The following VPS9D1 variants were observed in gnomAD, a reference collection of about 807,000 sequenced individuals.
VPS9D1 encodes the protein VPS9 domain-containing protein 1.
Under a neutral mutation model 75.8 loss-of-function variants are expected in VPS9D1, and 78 were observed. The ratio of observed to expected loss-of-function variants is 1.03; its 90% confidence interval spans 0.86 to 1.24. The LOEUF (loss-of-function observed/expected upper bound fraction) is 1.24, where lower values mean the gene tolerates loss of function less well. Ranked by LOEUF, VPS9D1 falls within the 50% of genes most tolerant of loss-of-function variation. The probability of loss-of-function intolerance (pLI) is 0.00; values close to 1 mark genes in which losing one functional copy is unlikely to be tolerated. For synonymous variants in VPS9D1, 481 were observed against 385.6 expected (o/e 1.25, Z -2.90); for missense variants, 1,057 against 847.7 (o/e 1.25, Z -3.07).
At chr16:89,720,365 C>G in intron 1 of VPS9D1, 1 of 960,760 alleles carries the variant, frequency 1.0e-6, no homozygotes, top group Non-Finnish European at 1.2e-6. Context: ...GGTATGTGGC[C>G]TTCTCTGCAT....
At position 89,710,912 on chromosome 16, in the gene VPS9D1, G is replaced by A. The variant is rs2060901584; in HGVS notation, c.932C>T (p.Pro311Leu). 1.3e-6 allele frequency: 2 copies of A among 1,491,668 alleles called. No homozygotes were observed. The highest frequency in any genetic ancestry group is 1.8e-6 in the Non-Finnish European group (2 of 1,125,652). The allele number at this position is 1,491,668 out of a possible 1,614,324, so 92.4% of individuals were successfully genotyped here. ...GTTGGGGGTCGGGGGGCAGCAGCCT[G>A]GGGCTGGCGCGGCTGCTCTGCTCAC... Reference protein sequence around the residue: ...PAVSRAAAPAPGCCPPTPNPG... With the variant: ...PAVSRAAAPALGCCPPTPNPG... Residue 311 changes from proline (P) to leucine (L), a missense_variant, in exon 10 of 15, where the codon CCA becomes CTA. Transcript: ENST00000389386.
chr16:89,717,816 AC>A (rs1567552863), intron 2 of VPS9D1: 1 of 456,462 alleles, frequency 2.2e-6, no homozygotes, highest in Non-Finnish European at 4.4e-6. Context: ...AGCTGGGGCA[AC>A]TGTTAGCTCC....
In VPS9D1 at chr16:89,707,924, G is replaced by A. The variant is rs758301359; in HGVS notation, c.1833C>T (p.Leu611=). ...GYLIGEEGYC[L]TSLQSALSYV... ...AGCTCAGGGCACTCTGCAGTGATGTGAGGCAGTAGCCCTCCTCTCCGATCA... is the reference window on the plus strand; with the variant it reads ...AGCTCAGGGCACTCTGCAGTGATGTAAGGCAGTAGCCCTCCTCTCCGATCA... The change falls in exon 15 of 15, where the codon CTC becomes CTT. Residue 611 remains leucine (L), a synonymous_variant. Transcript: ENST00000389386. The A allele has an allele frequency of 1.9e-6, 3 of 1,613,110 alleles. No individual in the cohort carries two copies. The highest frequency in any genetic ancestry group is 1.3e-5 in the African/African-American group (1 of 75,048).
Position 89,711,444 on chromosome 16 carries a change from G to C in VPS9D1, c.748-32C>G, listed in dbSNP as rs1397596395. On this transcript the variant is annotated intron_variant, in intron 8 of 14. Transcript: ENST00000389386. ...GACAGGGGGCCTTGAAGGAAAGCAC[G>C]GTGGGTCCGCCACGACCGGACGCGC... 3 of 1,573,026 alleles carry C rather than the reference G, an allele frequency of 1.9e-6. No homozygotes were observed. In the Admixed American group the frequency reaches 5.5e-5, roughly 29 times the overall value.
Position 89,712,881 on chromosome 16 carries a change from C to A in VPS9D1, c.432-165G>T, listed in dbSNP as rs2060970177. 3 of 587,478 alleles carry A rather than the reference C, an allele frequency of 5.1e-6. No homozygotes were observed. The South Asian group carries it at 7.8e-5, about 15-fold the overall frequency. 36.4% of individuals were successfully genotyped at this position (587,478 alleles called of 1,614,324 possible). On this transcript the variant is annotated intron_variant, in intron 4 of 14. Coordinates refer to ENST00000389386, the MANE Select transcript of VPS9D1 (RefSeq NM_004913.3). The stretch of plus-strand genomic sequence containing the variant: ...TGCAACATCTGCCCCTTCTTGCCTG[C>A]CCTTCCAAAACACAGGTTTTGGCCA...
chr16:89,720,725 A>G (rs1210863496), intron 1 of VPS9D1, 38 bp downstream of exon 1: 2 of 1,412,910 alleles, frequency 1.4e-6, no homozygotes, highest in Non-Finnish European at 9.2e-7. Flanking sequence ...TCCAGGGGCC[A>G]CCCTCAGCGG....
rs780502953 is a variant in VPS9D1, at chr16:89,712,695, C to G, written c.453G>C (p.Glu151Asp). 1.9e-6 allele frequency: 3 copies of G among 1,609,348 alleles called. No homozygotes were observed. Among genetic ancestry groups the G allele is most frequent in the Non-Finnish European group, 1.7e-6 (2 of 1,177,236 alleles). The change falls in exon 5 of 15, where the codon GAG (glutamate) becomes GAC (aspartate). Residue 151 changes from glutamate to aspartate, a missense_variant. Glu to Asp is a conservative substitution (Grantham distance 45, BLOSUM62 2). Coordinates refer to ENST00000389386, the MANE Select transcript of VPS9D1 (RefSeq NM_004913.3). ...SCKKELTPLE[E>D]ASLQNQKLKA... ...TCAGCTTCTGATTCTGCAGGGAGGC[C>G]TCCTCCAGTGGCGTCAGCTCTCTGG...
intron 11 of VPS9D1, 28 bp from the exon 12 acceptor site, chr16:89,709,463 T>C (rs2060866572): frequency 4.7e-6 from 7 of 1,495,620 alleles, no homozygotes; most frequent in Non-Finnish European, 6.2e-6. Context: ...CAGGCTAAGC[T>C]GCCCCAGGGA....
At chr16:89,709,723 G>T in intron 11 of VPS9D1, 54 bp downstream of exon 11, 1 of 1,611,116 alleles carries the variant, frequency 6.2e-7, no homozygotes, top group South Asian at 1.1e-5. Flanking sequence ...CCTCCTGGGG[G>T]ACTGGGCTGG....
At chr16:89,711,224 C>T in intron 9 of VPS9D1, 103 bp downstream of exon 9, 2 of 1,352,486 alleles carry the variant, frequency 1.5e-6, no homozygotes, top group Non-Finnish European at 2.0e-6. Flanking sequence ...TGGCCGGGCA[C>T]AGGCTCCCTG....
chr16:89,720,877 AGGC>A lies in VPS9D1; in HGVS notation c.-19_-17del. 5 of 1,349,038 alleles carry A rather than the reference AGGC, an allele frequency of 3.7e-6. No homozygotes were observed. Among genetic ancestry groups the A allele is most frequent in the South Asian group, 1.8e-5 (1 of 55,884 alleles). The allele number at this position is 1,349,038 out of a possible 1,614,324, so 83.6% of individuals were successfully genotyped here. A position where few individuals can be genotyped will look rare whatever the true frequency, so the allele number is the denominator to read the frequency against. ...CAGCGGCCATGGCGCCGAGCGGGGG[AGGC>A]GGCGGCGGTAGCCGAGGGGCTGGAC... On this transcript the variant is annotated 5_prime_UTR_variant, in exon 1 of 15. Coordinates refer to ENST00000389386, the MANE Select transcript of VPS9D1 (RefSeq NM_004913.3).
intron 8 of VPS9D1, 65 bp from the exon 9 acceptor site, chr16:89,711,477 C>G (rs1597909501): frequency 6.9e-7 from 1 of 1,452,286 alleles, no homozygotes; most frequent in African/African-American, 1.4e-5. Flanking sequence ...CGCCTCATCT[C>G]CCACCAGTGC....
At position 89,711,398 on chromosome 16, in the gene VPS9D1, G is replaced by T. The variant is rs1224130765; in HGVS notation, c.762C>A (p.His254Gln). 1.2e-6 allele frequency: 2 copies of T among 1,609,078 alleles called. No individual in the cohort carries two copies. Among genetic ancestry groups the T allele is most frequent in the Non-Finnish European group, 1.7e-6 (2 of 1,177,836 alleles). The change falls in exon 9 of 15, where the codon CAC (histidine) becomes CAA (glutamine). Residue 254 changes from histidine (H) to glutamine (Q), a missense_variant. By Grantham distance (24) the His-to-Gln change is conservative (BLOSUM62 0). Transcript: ENST00000389386. ...EYEQDHDWPK[H>Q]WKAKLKRNPG... ...GATTCCTCTTGAGCTTGGCCTTCCA[G>T]TGCTTCGGCCAGTCCTACGGGACAG...
intron 11 of VPS9D1, 133 bp from the exon 12 acceptor site, chr16:89,709,568 G>A: frequency 5.5e-6 from 7 of 1,277,094 alleles, no homozygotes; most frequent in Non-Finnish European, 6.3e-6. Context: ...GCGTTGCCAA[G>A]ACCCCAGGCA....
At chr16:89,712,578 C>G in intron 5 of VPS9D1, 27 bp downstream of exon 5, 1 of 1,608,534 alleles carries the variant, frequency 6.2e-7, no homozygotes, top group Non-Finnish European at 8.5e-7. Flanking sequence ...CCCACGCACC[C>G]CCAGGCCCTC....
intron 9 of VPS9D1, 54 bp from the exon 10 acceptor site, chr16:89,711,064 C>T (rs1228412769): frequency 1.3e-5 from 19 of 1,421,018 alleles, no homozygotes; most frequent in Non-Finnish European, 1.5e-5. Context: ...TCCGTGGCAT[C>T]CACAGGTGCC....
chr16:89,712,553 C>T, intron 5 of VPS9D1, 31 bp from the exon 6 acceptor site: 1 of 1,609,636 alleles, frequency 6.2e-7, no homozygotes, highest in Non-Finnish European at 8.5e-7. Flanking sequence ...AAGGCCGACT[C>T]CCCTCTGCCC....
Position 89,716,592 on chromosome 16 carries a change from C to T in VPS9D1, c.301G>A (p.Ala101Thr), listed in dbSNP as rs1597926736. 1.9e-6 allele frequency: 3 copies of T among 1,613,744 alleles called. No individual in the cohort carries two copies. Among genetic ancestry groups the T allele is most frequent in the Non-Finnish European group, 2.5e-6 (3 of 1,179,862 alleles). Residue 101 changes from alanine (A) to threonine (T), a missense_variant, in exon 4 of 15, where the codon GCT becomes ACT. By Grantham distance (58) the Ala-to-Thr change is moderately conservative (BLOSUM62 0). Transcript: ENST00000389386. ...CCGGCAGGCTGGGGAATGGGAGCAG[C>T]TGCAGGCATGGTTGGCTTCAGGCGT... Reference protein sequence around the residue: ...KTRLKPTMPAAAPIPQPAGRH... With the variant: ...KTRLKPTMPATAPIPQPAGRH...
rs551302012 is a variant in VPS9D1, at chr16:89,708,494, C to A, written c.1735G>T (p.Val579Leu). Residue 579 changes from valine (V) to leucine (L), a missense_variant, in exon 14 of 15, where the codon GTG (valine) becomes TTG (leucine). Physicochemically the swap from Val to Leu is conservative, Grantham distance 32 (BLOSUM62 1). Transcript: ENST00000389386. ...DDLLPILSFVVLRSGLPQLVS... is the reference protein window; with the variant it reads ...DDLLPILSFVLLRSGLPQLVS... ...AGCTGAGGGAGGCCGCTCCTCAGCA[C>A]CACGAAGGACAGGATGGGCAGCAGG... The A allele has an allele frequency of 2.5e-6, 4 of 1,613,070 alleles. No individual in the cohort carries two copies. Among genetic ancestry groups the A allele is most frequent in the Non-Finnish European group, 3.4e-6 (4 of 1,179,908 alleles).
Sources: gnomAD v4.1 joint callset for allele counts on GRCh38, gnomAD v4.1.1 for gene constraint, MANE v1.5 for transcripts, NCBI Gene and HGNC (gene_info 2026-07-23, HGNC 2026-07-21) for gene names.